Variants in AFF2 observed in about 807,000 individuals in gnomAD.
AFF2 encodes the protein AF4/FMR2 family member 2.
A neutral mutation model predicts 76.9 loss-of-function variants in AFF2; 14 were observed. The ratio of observed to expected loss-of-function variants is 0.18; its 90% CI spans 0.12 to 0.28. AFF2 has a LOEUF of 0.28. Among genes scored for constraint, AFF2 ranks in the 10% least tolerant of loss-of-function variants. The pLI is 1.00. For missense variants in AFF2, 868 were observed against 1,001.1 expected (o/e 0.87, Z 1.79); for synonymous variants, 398 against 366.7 (o/e 1.09, Z -0.98).
chrX:148,975,788 C>CA (rs782247311), intron 16 of AFF2, among the ~76,000 whole-genome samples: 1 of 99,868 alleles, frequency 1.0e-5, no homozygotes, highest in East Asian at 3.2e-4. Flanking sequence ...ACTAAAAATA[C>CA]AAAAAATTAG....
chrX:148,970,177 A>T lies in AFF2; in HGVS notation c.3267+2485A>T, dbSNP rs998316566. 1.6e-4 allele frequency among the ~76,000 whole-genome samples: 18 copies of T among 112,340 alleles called. No homozygotes were observed. In the Admixed American group the frequency reaches 1.7e-3, roughly 11 times the overall value. Reference sequence around the variant, plus strand: ...CATATATGTACACAGGTTTTCACAAAATCCGCTTGAATTTGATTGAAACCG... The same window carrying T: ...CATATATGTACACAGGTTTTCACAATATCCGCTTGAATTTGATTGAAACCG... On this transcript the variant is annotated intron_variant, in intron 15 of 20. Transcript: ENST00000370460.
chrX:148,975,450 T>C (rs1443249802), intron 16 of AFF2, among the ~76,000 whole-genome samples: 2 of 112,010 alleles, frequency 1.8e-5, no homozygotes, highest in Admixed American at 9.5e-5. Context: ...ATATTTATTA[T>C]ATGATGTTAA....
intron 4 of AFF2, among the ~76,000 whole-genome samples, chrX:148,818,731 C>T (rs887823170): frequency 6.3e-5 from 7 of 110,583 alleles, no homozygotes; most frequent in African/African-American, 2.3e-4. Flanking sequence ...AAGTCTCTCA[C>T]TCTAAGGGAA....
intron 5 of AFF2, among the ~76,000 whole-genome samples, chrX:148,840,623 T>C (rs2070587859): frequency 8.9e-6 from 1 of 112,923 alleles, no homozygotes; most frequent in Admixed American, 9.4e-5. Context: ...AAAAATTACA[T>C]ATATGACATG....
At chrX:148,826,795 A>T (rs2070393754) in intron 4 of AFF2, among the ~76,000 whole-genome samples, 1 of 94,200 alleles carries the variant, frequency 1.1e-5, no homozygotes, top group South Asian at 5.0e-4. Context: ...GAGTCCAGGC[A>T]TTCAGAAATA....
intron 3 of AFF2, among the ~76,000 whole-genome samples, chrX:148,777,765 G>T (rs1356698505): frequency 8.9e-6 from 1 of 112,100 alleles, no homozygotes; most frequent in African/African-American, 3.2e-5. Flanking sequence ...AGATGATAGG[G>T]TTTTCTAAAT....
intron 3 of AFF2, among the ~76,000 whole-genome samples, chrX:148,714,129 C>T (rs1223295273): frequency 1.8e-5 from 2 of 112,092 alleles, no homozygotes; most frequent in Non-Finnish European, 3.8e-5. Context: ...ATCTTAAGTT[C>T]TGTAAATCAT....
intron 1 of AFF2, among the ~76,000 whole-genome samples, chrX:148,536,620 A>G (rs1603234765): frequency 8.9e-6 from 1 of 112,727 alleles, no homozygotes; most frequent in East Asian, 2.8e-4. Flanking sequence ...ACTTTAATAA[A>G]GAGAATAATA....
chrX:148,602,413 A>G (rs2053634405), intron 1 of AFF2, among the ~76,000 whole-genome samples: 2 of 110,151 alleles, frequency 1.8e-5, no homozygotes, highest in African/African-American at 3.3e-5. Context: ...ATTAATAAAA[A>G]TGTAGTCCTC....
At chrX:148,987,925 T>C (rs1360674865) in intron 20 of AFF2, among the ~76,000 whole-genome samples, 1 of 111,613 alleles carries the variant, frequency 9.0e-6, no homozygotes, top group African/African-American at 3.3e-5. Flanking sequence ...TTTTGAGAGG[T>C]GAGGTTGAAC....
chrX:148,514,418 G>T (rs1192406673), intron 1 of AFF2, among the ~76,000 whole-genome samples: 1 of 112,575 alleles, frequency 8.9e-6, no homozygotes, highest in African/African-American at 3.2e-5. Flanking sequence ...GTCATGAAAT[G>T]TGTATTTGTA....
At chrX:148,683,838 C>T (rs190441926) in intron 3 of AFF2, among the ~76,000 whole-genome samples, 1 of 111,827 alleles carries the variant, frequency 8.9e-6, no homozygotes, top group East Asian at 2.8e-4. Flanking sequence ...TGTTGCCTCT[C>T]GGAAGACTAC....
At chrX:148,672,818 G>C (rs781839300) in intron 3 of AFF2, among the ~76,000 whole-genome samples, 2 of 111,576 alleles carry the variant, frequency 1.8e-5, no homozygotes, top group Non-Finnish European at 3.8e-5. Context: ...TGTGTCTTTA[G>C]TGGGATGACT....
At chrX:148,625,027 G>A (rs1361672101) in intron 1 of AFF2, among the ~76,000 whole-genome samples, 1 of 110,890 alleles carries the variant, frequency 9.0e-6, no homozygotes, top group African/African-American at 3.3e-5. Flanking sequence ...AATTAGATGA[G>A]TTTGTCTCTT....
At chrX:148,910,696 T>C (rs2071458881) in intron 9 of AFF2, among the ~76,000 whole-genome samples, 1 of 111,814 alleles carries the variant, frequency 8.9e-6, no homozygotes, top group African/African-American at 3.3e-5. Flanking sequence ...GGCAGTGAAA[T>C]ACCAGGTTGG....
chrX:148,775,666 G>C (rs1239365999), intron 3 of AFF2, among the ~76,000 whole-genome samples: 1 of 111,115 alleles, frequency 9.0e-6, no homozygotes, highest in Admixed American at 9.6e-5. Flanking sequence ...GGCAGTCTTT[G>C]GCTTGTGGCC....
intron 7 of AFF2, among the ~76,000 whole-genome samples, chrX:148,854,806 C>T (rs972784362): frequency 3.6e-5 from 4 of 111,770 alleles, no homozygotes; most frequent in Non-Finnish European, 7.5e-5. Context: ...AAGCACATCA[C>T]GGTGTGTCTG....
chrX:148,788,026 T>C (rs1557269665), intron 3 of AFF2, among the ~76,000 whole-genome samples: 1 of 111,774 alleles, frequency 8.9e-6, no homozygotes, highest in African/African-American at 3.3e-5. Flanking sequence ...TCAGAGCACT[T>C]TTTTCATTTT....
intron 7 of AFF2, among the ~76,000 whole-genome samples, chrX:148,880,657 A>T (rs782670489): frequency 6.3e-5 from 7 of 111,814 alleles, no homozygotes; most frequent in Non-Finnish European, 1.3e-4. Context: ...TAAACCAGTA[A>T]CCGGAAGACC....
Sources: gnomAD v4.1 joint callset for allele counts (sites outside exome capture counted in the v4.1 genomes callset) on GRCh38, gnomAD v4.1.1 for gene constraint, MANE v1.5 for transcripts, NCBI Gene and HGNC (gene_info 2026-07-23, HGNC 2026-07-21) for gene names.